SRSF6: variants seen among roughly 807,000 people sequenced by gnomAD.
SRSF6 encodes serine/arginine-rich splicing factor 6.
Under a neutral mutation model 42.0 loss-of-function variants are expected in SRSF6, and 17 were observed. The ratio of observed to expected loss-of-function variants is 0.40; its 90% CI spans 0.28 to 0.61. The LOEUF (loss-of-function observed/expected upper bound fraction) is 0.61, where lower values mean the gene tolerates loss of function less well. Ranked by LOEUF, SRSF6 falls within the 20% of genes least tolerant of loss-of-function variation. The pLI, the probability that SRSF6 is intolerant of heterozygous loss-of-function variation, is 0.37. For synonymous variants in SRSF6, 204 were observed against 166.7 expected (o/e 1.22, Z -1.72); for missense variants, 379 against 471.4 (o/e 0.80, Z 1.81).
intron 2 of SRSF6, chr20:43,459,270 C>T (rs762986622): frequency 1.5e-6 from 2 of 1,352,058 alleles, no homozygotes; most frequent in Middle Eastern, 2.1e-4. Flanking sequence ...CTGACCTTAC[C>T]GGAAGCCATG....
intron 2 of SRSF6, chr20:43,459,432 G>A (rs1366788116): frequency 5.5e-6 from 7 of 1,263,802 alleles, no homozygotes; most frequent in Non-Finnish European, 7.1e-6. Context: ...TAAGTACTTA[G>A]TGTAAAACTA....
intron 2 of SRSF6, chr20:43,459,203 C>G (rs2017547308): frequency 7.4e-7 from 1 of 1,352,046 alleles, no homozygotes; most frequent in South Asian, 1.1e-5. Flanking sequence ...GACTGCCTTT[C>G]CTGATTGGCC....
intron 3 of SRSF6, 49 bp from the exon 4 acceptor site, chr20:43,459,984 G>T (rs751914632): frequency 1.5e-5 from 24 of 1,612,084 alleles, no homozygotes; most frequent in Non-Finnish European, 2.0e-5. Flanking sequence ...ATTTATTATG[G>T]TATATAGATG....
At chr20:43,460,007 C>T (rs367656913) in intron 3 of SRSF6, 26 bp from the exon 4 acceptor site, 13 of 1,613,620 alleles carry the variant, frequency 8.1e-6, no homozygotes, top group African/African-American at 4.0e-5. Flanking sequence ...TTAAGATTTC[C>T]GAGTCTGACC....
rs34934568 is a variant in SRSF6, at chr20:43,460,500, T to C, written c.591-15T>C. The C allele has an allele frequency of 3.5e-5, 56 of 1,611,658 alleles. No individual in the cohort carries two copies. The highest frequency in any genetic ancestry group is 4.5e-5 in the Non-Finnish European group (53 of 1,178,366). On this transcript the variant is annotated splice_polypyrimidine_tract_variant and intron_variant, in intron 4 of 5. Transcript: ENST00000244020. ...TTGGATTGGGATTAAGACTTCATTGTTTTTCTCCTAATAGGTCTCGATCTA... is the reference window on the plus strand; with the variant it reads ...TTGGATTGGGATTAAGACTTCATTGCTTTTCTCCTAATAGGTCTCGATCTA...
chr20:43,457,906 T>G lies in SRSF6; in HGVS notation c.-128T>G, dbSNP rs1272758978. 7.1e-6 allele frequency: 5 copies of G among 701,810 alleles called. No individual in the cohort carries two copies. The highest frequency in any genetic ancestry group is 1.2e-5 in the Non-Finnish European group (5 of 427,646). 43.5% of individuals were successfully genotyped at this position (701,810 alleles called of 1,614,324 possible). On this transcript the variant is annotated 5_prime_UTR_variant, in exon 1 of 6. Transcript: ENST00000244020. ...GCGCGCGCGCGCGCCATTGTGTGGC[T>G]GGACTCGGCCGCCCCTGTGGTGTGA... is the stretch of plus-strand genomic sequence containing the variant.
rs1290261907 is a variant in SRSF6, at chr20:43,461,101, T to C, written c.*38T>C. On this transcript the variant is annotated 3_prime_UTR_variant, in exon 6 of 6. Coordinates refer to ENST00000244020, the MANE Select transcript of SRSF6 (RefSeq NM_006275.6). Reference sequence around the variant, plus strand: ...TGTTTGCACATTATTATGGAACACTTTCCTACTTAGGCAGTTACTCTTCCA... The same window carrying C: ...TGTTTGCACATTATTATGGAACACTCTCCTACTTAGGCAGTTACTCTTCCA... The C allele has an allele frequency of 6.6e-7, 1 of 1,516,976 alleles. No homozygotes were observed. Among genetic ancestry groups the C allele is most frequent in the East Asian group, 2.3e-5 (1 of 43,746 alleles). The allele number at this position is 1,516,976 out of a possible 1,614,324, so 94.0% of individuals were successfully genotyped here. A position where few individuals can be genotyped will look rare whatever the true frequency, so the allele number is the denominator to read the frequency against.
chr20:43,458,010 C>T lies in SRSF6; in HGVS notation c.-24C>T, dbSNP rs6124565. On this transcript the variant is annotated 5_prime_UTR_variant, in exon 1 of 6. Coordinates refer to ENST00000244020, the MANE Select transcript of SRSF6 (RefSeq NM_006275.6). ...GCGGTCCGCCGTTCGACAACCAGCCCTTGGGTCCCCGCCCGCCACGGACAT... is the reference window on the plus strand; with the variant it reads ...GCGGTCCGCCGTTCGACAACCAGCCTTTGGGTCCCCGCCCGCCACGGACAT... The T allele has an allele frequency of 1.5e-5, 24 of 1,600,750 alleles. No homozygotes were observed. Among genetic ancestry groups the T allele is most frequent in the Non-Finnish European group, 2.0e-5 (24 of 1,173,204 alleles).
At position 43,463,674 on chromosome 20, in the gene SRSF6, G is replaced by A. The variant is rs2017641876; in HGVS notation, c.*2611G>A. 1 of 152,538 alleles carries A rather than the reference G, an allele frequency of 6.6e-6. No homozygotes were observed. Among genetic ancestry groups the A allele is most frequent in the Admixed American group, 6.5e-5 (1 of 15,270 alleles). 9.4% of individuals were successfully genotyped at this position (152,538 alleles called of 1,614,324 possible). On this transcript the variant is annotated 3_prime_UTR_variant, in exon 6 of 6. Coordinates refer to ENST00000244020, the MANE Select transcript of SRSF6 (RefSeq NM_006275.6). ...TCTTAACAAATGTTTTTTTGAATTG[G>A]AGTTTGCATTGGCAAGCCATTCCTG...
rs1246538653 is a variant in SRSF6 at position 43,462,836 on chromosome 20, A to G, written c.*1773A>G. The G allele has an allele frequency of 6.6e-6, 1 of 152,650 alleles. No individual in the cohort carries two copies. The highest frequency in any genetic ancestry group is 1.5e-5 in the Non-Finnish European group (1 of 68,042). The allele number at this position is 152,650 out of a possible 1,614,324, so 9.5% of individuals were successfully genotyped here. On this transcript the variant is annotated 3_prime_UTR_variant, in exon 6 of 6. Transcript: ENST00000244020. ...ATACTTTATTTAATTAGATGTTTAT[A>G]AAGAAATGGGTTTATTTTTCCAGCA... is the stretch of plus-strand genomic sequence containing the variant.
chr20:43,463,365 T>A lies in SRSF6; in HGVS notation c.*2302T>A, dbSNP rs1265598272. On this transcript the variant is annotated 3_prime_UTR_variant, in exon 6 of 6. Transcript: ENST00000244020. ...CTAGCTTGTGAGAAGAATGAGTTGA[T>A]GACATGCTCCATACCAGTGGCTAGA... 6.5e-6 allele frequency: 1 copy of A among 154,828 alleles called. No individual in the cohort carries two copies. Among genetic ancestry groups the A allele is most frequent in the African/African-American group, 2.4e-5 (1 of 41,524 alleles). 9.6% of individuals were successfully genotyped at this position (154,828 alleles called of 1,614,324 possible).
rs1442361704 is a variant in SRSF6, at chr20:43,463,088, G to A, written c.*2025G>A. On this transcript the variant is annotated 3_prime_UTR_variant, in exon 6 of 6. Transcript: ENST00000244020. The stretch of plus-strand genomic sequence containing the variant: ...AAAAGTATGAAACATCCTTCAACTG[G>A]GCTCTCTTGTTAATAGGACATCATA... The A allele has an allele frequency of 6.6e-6, 1 of 152,320 alleles. No homozygotes were observed. Among genetic ancestry groups the A allele is most frequent in the Non-Finnish European group, 1.5e-5 (1 of 67,900 alleles). The allele number at this position is 152,320 out of a possible 1,614,324, so 9.4% of individuals were successfully genotyped here.
chr20:43,461,337 G>GTTTTTTTTTTTTTTTTTTTTTTTTT lies in SRSF6; in HGVS notation c.*287_*311dup, dbSNP rs57110045. 10 of 43,770 alleles carry GTTTTTTTTTTTTTTTTTTTTTTTTT rather than the reference G, an allele frequency of 2.3e-4. 1 individual carries two copies. The highest frequency in any genetic ancestry group is 6.6e-4 in the African/African-American group (8 of 12,194). 2.7% of individuals were successfully genotyped at this position (43,770 alleles called of 1,614,324 possible). A position where few individuals can be genotyped will look rare whatever the true frequency, so the allele number is the denominator to read the frequency against. Reference sequence around the variant, plus strand: ...GTAAAGATTAAGCTCATTTAGTGTTGTTTTTTTTTTTTTTTTTTTTTTTTT... The same window carrying GTTTTTTTTTTTTTTTTTTTTTTTTT: ...GTAAAGATTAAGCTCATTTAGTGTTGTTTTTTTTTTTTTTTTTTTTTTTTTTTTTTTTTTTTTTTTTTTTTTTTTT... On this transcript the variant is annotated 3_prime_UTR_variant, in exon 6 of 6. Coordinates refer to ENST00000244020, the MANE Select transcript of SRSF6 (RefSeq NM_006275.6).
At chr20:43,458,573 G>A (rs955959697) in intron 2 of SRSF6, 64 bp downstream of exon 2, 33 of 1,406,660 alleles carry the variant, frequency 2.3e-5, no homozygotes, top group African/African-American at 3.1e-5. Flanking sequence ...GGGTGGGGTG[G>A]GGCCTCCCAG....
chr20:43,462,559 G>T lies in SRSF6; in HGVS notation c.*1496G>T, dbSNP rs1290657519. Reference sequence around the variant, plus strand: ...ACACTGCTCATTGTGCCACAGGTGTGACTGGAAAGCATGATATTCTAGGGT... The same window carrying T: ...ACACTGCTCATTGTGCCACAGGTGTTACTGGAAAGCATGATATTCTAGGGT... On this transcript the variant is annotated 3_prime_UTR_variant, in exon 6 of 6. Coordinates refer to ENST00000244020, the MANE Select transcript of SRSF6 (RefSeq NM_006275.6). 1.3e-5 allele frequency: 2 copies of T among 152,192 alleles called. No individual in the cohort carries two copies. Among genetic ancestry groups the T allele is most frequent in the African/African-American group, 2.4e-5 (1 of 41,450 alleles). 9.4% of individuals were successfully genotyped at this position (152,192 alleles called of 1,614,324 possible). A position where few individuals can be genotyped will look rare whatever the true frequency, so the allele number is the denominator to read the frequency against.
rs1372618253 is a variant in SRSF6, at chr20:43,463,060, T to C, written c.*1997T>C. ...GATATTACAGTAAGAAATTAGGCTT[T>C]CTAAAAGTATGAAACATCCTTCAAC... On this transcript the variant is annotated 3_prime_UTR_variant, in exon 6 of 6. Transcript: ENST00000244020. 1 of 152,328 alleles carries C rather than the reference T, an allele frequency of 6.6e-6. No homozygotes were observed. The highest frequency in any genetic ancestry group is 1.5e-5 in the Non-Finnish European group (1 of 67,818). The allele number at this position is 152,328 out of a possible 1,614,324, so 9.4% of individuals were successfully genotyped here.
chr20:43,458,657 G>A (rs1427481657), intron 2 of SRSF6, 148 bp downstream of exon 2: 6 of 828,968 alleles, frequency 7.2e-6, no homozygotes, highest in Non-Finnish European at 1.0e-5. Flanking sequence ...CGTCTGCCCG[G>A]GGCAGCCATG....
At chr20:43,458,549 C>G in intron 2 of SRSF6, 40 bp downstream of exon 2, 1 of 1,451,480 alleles carries the variant, frequency 6.9e-7, no homozygotes, top group East Asian at 3.0e-5. Flanking sequence ...CTTGGGGACC[C>G]TGGGGGCGGG....
Position 43,461,099 on chromosome 20 carries a change from C to CT in SRSF6, c.*39dup, listed in dbSNP as rs751891872. 7 of 1,517,336 alleles carry CT rather than the reference C, an allele frequency of 4.6e-6. No homozygotes were observed. In the African/African-American group the frequency reaches 9.8e-5, roughly 21 times the overall value. 94.0% of individuals were successfully genotyped at this position (1,517,336 alleles called of 1,614,324 possible). On this transcript the variant is annotated 3_prime_UTR_variant, in exon 6 of 6. Transcript: ENST00000244020. Reference sequence around the variant, plus strand: ...CTTGTTTGCACATTATTATGGAACACTTTCCTACTTAGGCAGTTACTCTTC... The same window carrying CT: ...CTTGTTTGCACATTATTATGGAACACTTTTCCTACTTAGGCAGTTACTCTTC...
Sources: allele counts gnomAD v4.1 joint callset, GRCh38; gene constraint gnomAD v4.1.1; transcripts MANE v1.5; gene names NCBI Gene and HGNC (gene_info 2026-07-23, HGNC 2026-07-21).